Variants in TTC23 observed in about 807,000 individuals in gnomAD.
The protein encoded by TTC23 is tetratricopeptide repeat protein 23.
Under a neutral mutation model 55.1 loss-of-function variants are expected in TTC23, and 58 were observed. That is an observed-to-expected ratio of 1.05 (90% CI 0.85 to 1.31). TTC23 has a LOEUF of 1.31. Ranked by LOEUF, TTC23 falls within the 50% of genes most tolerant of loss-of-function variation. The probability of loss-of-function intolerance (pLI) is 0.00; values close to 1 mark genes in which losing one functional copy is unlikely to be tolerated. For missense variants in TTC23, 516 were observed against 534.4 expected, an observed-to-expected ratio of 0.97 and a Z score of 0.34; for synonymous variants, 203 against 199.9, an observed-to-expected ratio of 1.02 and a Z score of -0.13.
intron 1 of TTC23, among the ~76,000 whole-genome samples, chr15:99,248,016 C>G (rs776609117): frequency 2.0e-5 from 3 of 152,240 alleles, no homozygotes; most frequent in Non-Finnish European, 4.4e-5. Context: ...TATGACAAGA[C>G]TTTTATAAAG....
intron 4 of TTC23, among the ~76,000 whole-genome samples, chr15:99,230,326 T>C (rs1162524423): frequency 6.6e-6 from 1 of 152,028 alleles, no homozygotes; most frequent in Non-Finnish European, 1.5e-5. Context: ...ATAAAAATTA[T>C]CAAAAATGAA....
At chr15:99,196,399 T>C (rs2075711707) in intron 9 of TTC23, among the ~76,000 whole-genome samples, 2 of 152,180 alleles carry the variant, frequency 1.3e-5, no homozygotes, top group Non-Finnish European at 2.9e-5. Context: ...TCTGGACATT[T>C]ACCCCTGGAA....
chr15:99,189,656 C>G (rs2075056415), intron 9 of TTC23, among the ~76,000 whole-genome samples: 1 of 152,128 alleles, frequency 6.6e-6, no homozygotes. Flanking sequence ...ATTAGACAAA[C>G]CCAAACTAAG....
chr15:99,167,531 G>A (rs1213396182), intron 10 of TTC23, among the ~76,000 whole-genome samples: 2 of 152,176 alleles, frequency 1.3e-5, no homozygotes, highest in Non-Finnish European at 2.9e-5. Flanking sequence ...GGTGAGCAGG[G>A]TGGTTTGATG....
At chr15:99,199,049 G>C (rs2075979186) in intron 9 of TTC23, among the ~76,000 whole-genome samples, 1 of 152,212 alleles carries the variant, frequency 6.6e-6, no homozygotes, top group South Asian at 2.1e-4. Context: ...AGGTGTTGCA[G>C]TGAATACACG....
intron 8 of TTC23, among the ~76,000 whole-genome samples, chr15:99,206,126 T>C (rs2076607940): frequency 6.6e-6 from 1 of 152,236 alleles, no homozygotes; most frequent in South Asian, 2.1e-4. Flanking sequence ...AGGTATCATA[T>C]TTATGGATTT....
At chr15:99,218,841 G>A (rs749798364) in intron 7 of TTC23, 57 bp downstream of exon 7, 37 of 1,596,500 alleles carry the variant, frequency 2.3e-5, no homozygotes, top group East Asian at 4.5e-5. Flanking sequence ...TTTACTTGGC[G>A]TGTAAGTGTT....
rs183507307 is a variant in TTC23, at chr15:99,219,739, G to C, written c.305-691C>G. On this transcript the variant is annotated intron_variant, in intron 6 of 13. Transcript: ENST00000394132. Reference sequence around the variant, plus strand: ...GACTGAGATCGCTAGCACGGCTTCAGGGCTTTGCACGTCCCTGTATTCCCA... The same window carrying C: ...GACTGAGATCGCTAGCACGGCTTCACGGCTTTGCACGTCCCTGTATTCCCA... Among the ~76,000 whole-genome samples the C allele has an allele frequency of 3.6e-4, 55 of 152,210 alleles. 1 individual carries two copies. The East Asian group carries it at 8.9e-3, about 25-fold the overall frequency.
At chr15:99,246,498 C>T (rs2080251019) in intron 1 of TTC23, among the ~76,000 whole-genome samples, 1 of 151,674 alleles carries the variant, frequency 6.6e-6, no homozygotes, top group Non-Finnish European at 1.5e-5. Flanking sequence ...ACCTGTAATC[C>T]CAGCTACTCA....
At chr15:99,207,800 A>T (rs1468291850) in intron 8 of TTC23, among the ~76,000 whole-genome samples, 1 of 152,196 alleles carries the variant, frequency 6.6e-6, no homozygotes, top group African/African-American at 2.4e-5. Context: ...ATAATTTTGC[A>T]TCCATATAAT....
chr15:99,163,567 C>G (rs2602027), intron 10 of TTC23, among the ~76,000 whole-genome samples: 1 of 152,132 alleles, frequency 6.6e-6, no homozygotes, highest in Admixed American at 6.5e-5. Flanking sequence ...AAATTTGTTA[C>G]GCAGGAAATA....
rs544932848 is a variant in TTC23, at chr15:99,197,248, G to A, written c.759+2671C>T. On this transcript the variant is annotated intron_variant, in intron 9 of 13. Coordinates refer to ENST00000394132, the MANE Select transcript of TTC23 (RefSeq NM_001288615.3). ...CTCCCGAGTAGCTGGGACTACAGGC[G>A]CCCGCCACCATGCCCGGCTAATTTT... 9.5e-4 allele frequency among the ~76,000 whole-genome samples: 145 copies of A among 152,072 alleles called. 1 individual carries two copies. Among genetic ancestry groups the A allele is most frequent in the African/African-American group, 3.3e-3 (139 of 41,520 alleles).
At chr15:99,151,221 A>T (rs1218303887) in intron 12 of TTC23, 5 of 152,186 alleles carry the variant, frequency 3.3e-5, no homozygotes, top group African/African-American at 1.2e-4. Context: ...TGACTATAGG[A>T]TAGTGTTTCC....
chr15:99,224,919 G>T lies in TTC23; in HGVS notation c.181-3055C>A, dbSNP rs891361703. On this transcript the variant is annotated intron_variant, in intron 5 of 13. Transcript: ENST00000394132. ...TTAACTGGCTGTTTGTACTTCTTTT[G>T]GGAATCACCTTTTTATTGCCTCTAG... is the stretch of plus-strand genomic sequence containing the variant. Among the ~76,000 whole-genome samples, 3 of 152,108 alleles carry T rather than the reference G, an allele frequency of 2.0e-5. No homozygotes were observed. The South Asian group carries it at 6.2e-4, about 32-fold the overall frequency.
chr15:99,149,166 G>C (rs1487592347), intron 12 of TTC23, among the ~76,000 whole-genome samples: 6 of 152,214 alleles, frequency 3.9e-5, no homozygotes, highest in African/African-American at 1.4e-4. Context: ...GTCAGCAGCA[G>C]ATGTGAAAAG....
At chr15:99,148,623 G>A (rs1386312643) in intron 12 of TTC23, 1 of 152,050 alleles carries the variant, frequency 6.6e-6, no homozygotes, top group African/African-American at 2.4e-5. Flanking sequence ...ACCCAAATCC[G>A]ACTTCAGTGT....
intron 8 of TTC23, among the ~76,000 whole-genome samples, chr15:99,203,904 A>C (rs1360131743): frequency 6.6e-6 from 1 of 152,044 alleles, no homozygotes; most frequent in Admixed American, 6.5e-5. Flanking sequence ...ACTGATTGAC[A>C]CTTATGTTGA....
At chr15:99,143,813 T>C (rs561040269) in intron 12 of TTC23, among the ~76,000 whole-genome samples, 1 of 152,336 alleles carries the variant, frequency 6.6e-6, no homozygotes, top group African/African-American at 2.4e-5. Flanking sequence ...TTTGTCTTGC[T>C]CACCACTGTG....
intron 3 of TTC23, among the ~76,000 whole-genome samples, chr15:99,241,042 C>T (rs978853447): frequency 1.3e-5 from 2 of 152,114 alleles, no homozygotes; most frequent in African/African-American, 2.4e-5. Context: ...TCAGGCAGGG[C>T]GCGGGGGCTC....
Sources: allele counts gnomAD v4.1 joint callset (sites outside exome capture counted in the v4.1 genomes callset), GRCh38; gene constraint gnomAD v4.1.1; transcripts MANE v1.5; gene names NCBI Gene and HGNC (gene_info 2026-07-23, HGNC 2026-07-21).